The following PCDHA7 variants were observed in gnomAD, a reference collection of about 807,000 sequenced individuals.
PCDHA7 encodes protocadherin alpha-7.
A neutral mutation model predicts 57.2 loss-of-function variants in PCDHA7; 37 were observed. The ratio of observed to expected loss-of-function variants is 0.65; its 90% CI spans 0.50 to 0.85. The LOEUF (loss-of-function observed/expected upper bound fraction) is 0.85. Among genes scored for constraint, PCDHA7 ranks in the 40% least tolerant of loss-of-function variants. The pLI, the probability that PCDHA7 is intolerant of heterozygous loss-of-function variation, is 0.00. For synonymous variants in PCDHA7, 553 were observed against 558.8 expected (o/e 0.99, Z 0.15); for missense variants, 1,188 against 1,241.8 (o/e 0.96, Z 0.65).
chr5:140,927,157 G>A (rs868936673), intron 1 of PCDHA7: 2 of 1,614,144 alleles, frequency 1.2e-6, no homozygotes, highest in South Asian at 2.2e-5. Flanking sequence ...GCTGTGCAGG[G>A]CCAAAGCTGC....
At chr5:140,860,288 G>A (rs1305065556) in intron 1 of PCDHA7, 2 of 151,928 alleles carry the variant, frequency 1.3e-5, no homozygotes, top group African/African-American at 4.8e-5. Context: ...GGGTGAGGTG[G>A]GAGGACGGCT....
chr5:140,950,581 C>T (rs1158445917), intron 1 of PCDHA7, among the ~76,000 whole-genome samples: 2 of 151,860 alleles, frequency 1.3e-5, no homozygotes, highest in Non-Finnish European at 2.9e-5. Flanking sequence ...TTCTACTTAC[C>T]TTTGGTTTAG....
chr5:140,950,662 C>T (rs1347125277), intron 1 of PCDHA7, among the ~76,000 whole-genome samples: 1 of 152,030 alleles, frequency 6.6e-6, no homozygotes, highest in East Asian at 1.9e-4. Flanking sequence ...CTGAGTTTAT[C>T]AAACATGTAC....
Position 140,848,316 on chromosome 5 carries a change from G to T in PCDHA7, c.2355+11578G>T, listed in dbSNP as rs2150408504. 15 of 742,766 alleles carry T rather than the reference G, an allele frequency of 2.0e-5. 1 individual carries two copies. The highest frequency in any genetic ancestry group is 7.0e-5 in the African/African-American group (4 of 57,284). 46.0% of individuals were successfully genotyped at this position (742,766 alleles called of 1,614,324 possible). A position where few individuals can be genotyped will look rare whatever the true frequency, so the allele number is the denominator to read the frequency against. ...GCCACGTGATGTCACTCTTTGCCGC[G>T]ATGTTCTCTCTGAATCCAGACAAAT... On this transcript the variant is annotated intron_variant, in intron 1 of 3. Transcript: ENST00000525929.
At chr5:140,858,494 C>A (rs1451749220) in intron 1 of PCDHA7, 1 of 1,482,778 alleles carries the variant, frequency 6.7e-7, no homozygotes. Context: ...TTTCTCTTAC[C>A]GCATTTTCTC....
intron 1 of PCDHA7, chr5:140,877,509 G>A (rs781824762): frequency 5.6e-6 from 9 of 1,613,700 alleles, no homozygotes; most frequent in Non-Finnish European, 7.6e-6. Context: ...CAAAGACGTC[G>A]TCGCGGGCCT....
intron 1 of PCDHA7, among the ~76,000 whole-genome samples, chr5:140,888,764 T>G (rs74654123): frequency 6.6e-6 from 1 of 152,068 alleles, no homozygotes; most frequent in Non-Finnish European, 1.5e-5. Flanking sequence ...CTTTTTTTTT[T>G]AATTTTGAAG....
At chr5:140,916,377 C>T (rs1436518298) in intron 1 of PCDHA7, among the ~76,000 whole-genome samples, 4 of 152,092 alleles carry the variant, frequency 2.6e-5, no homozygotes, top group African/African-American at 9.7e-5. Flanking sequence ...CTGTAGCCAC[C>T]ACAACTAGGA....
chr5:140,928,288 C>G, intron 1 of PCDHA7: 2 of 1,614,156 alleles, frequency 1.2e-6, no homozygotes, highest in Non-Finnish European at 1.7e-6. Flanking sequence ...CTCTCTAGGC[C>G]GAGTGTTTGC....
intron 1 of PCDHA7, among the ~76,000 whole-genome samples, chr5:140,872,990 A>G (rs987650775): frequency 1.1e-4 from 17 of 152,184 alleles, no homozygotes; most frequent in African/African-American, 3.6e-4. Flanking sequence ...AAGATCATTT[A>G]CTTCTGAGTC....
intron 3 of PCDHA7, among the ~76,000 whole-genome samples, chr5:141,004,079 A>G (rs1192943756): frequency 1.3e-5 from 2 of 152,210 alleles, no homozygotes; most frequent in Non-Finnish European, 2.9e-5. Context: ...TTAGGGGTAG[A>G]AATGTGCTTC....
chr5:140,854,692 A>G (rs1554147391), intron 1 of PCDHA7: 1 of 150,100 alleles, frequency 6.7e-6, no homozygotes, highest in African/African-American at 2.4e-5. Flanking sequence ...TCTGTTGTTA[A>G]GTTTTCCTTT....
chr5:141,010,225 C>T lies in PCDHA7; in HGVS notation c.*288C>T. The T allele has an allele frequency of 6.4e-7, 1 of 1,551,848 alleles. No homozygotes were observed. The highest frequency in any genetic ancestry group is 8.7e-7 in the Non-Finnish European group (1 of 1,147,026). The stretch of plus-strand genomic sequence containing the variant: ...CCGCCGCAAAGGAGAGGCTTCCCAG[C>T]CCCGCCAGTGAGAGGTTGGACTCTC... On this transcript the variant is annotated 3_prime_UTR_variant, in exon 4 of 4. Coordinates refer to ENST00000525929, the MANE Select transcript of PCDHA7 (RefSeq NM_018910.3).
At chr5:140,843,702 A>G (rs375271706) in intron 1 of PCDHA7, 3 of 1,580,560 alleles carry the variant, frequency 1.9e-6, no homozygotes, top group Admixed American at 3.4e-5. Context: ...TTAAATGTTG[A>G]TCATGGCCTC....
intron 1 of PCDHA7, chr5:140,877,685 C>G (rs377753884): frequency 5.0e-6 from 8 of 1,613,628 alleles, no homozygotes; most frequent in African/African-American, 2.7e-5. Flanking sequence ...GGCAAGCCCA[C>G]GCTGGTGTGC....
chr5:140,841,199 A>G, intron 1 of PCDHA7: 2 of 1,287,918 alleles, frequency 1.6e-6, no homozygotes, highest in South Asian at 3.0e-5. Flanking sequence ...TTTCTCTGAC[A>G]GCATCTGTCT....
chr5:140,869,375 A>C, intron 1 of PCDHA7: 1 of 1,614,116 alleles, frequency 6.2e-7, no homozygotes, highest in Non-Finnish European at 8.5e-7. Flanking sequence ...TCTCGGATCG[A>C]CCGCGAGGAG....
At chr5:140,869,986 G>T (rs781968863) in intron 1 of PCDHA7, 4 of 1,613,322 alleles carry the variant, frequency 2.5e-6, no homozygotes, top group Admixed American at 1.7e-5. Context: ...ATTTACACTA[G>T]ATCAAAATAA....
intron 3 of PCDHA7, among the ~76,000 whole-genome samples, chr5:140,994,778 G>A (rs1488910527): frequency 1.3e-5 from 2 of 152,152 alleles, no homozygotes; most frequent in Non-Finnish European, 2.9e-5. Flanking sequence ...TCCAGGCAAA[G>A]GAAACAATGC....
Sources: gnomAD v4.1 joint callset for allele counts (sites outside exome capture counted in the v4.1 genomes callset) on GRCh38, gnomAD v4.1.1 for gene constraint, MANE v1.5 for transcripts, NCBI Gene and HGNC (gene_info 2026-07-23, HGNC 2026-07-21) for gene names.